Variants in AIG1 observed in about 807,000 individuals in gnomAD.
AIG1 encodes androgen-induced gene 1 protein.
Under a neutral mutation model 31.4 loss-of-function variants are expected in AIG1, and 23 were observed. The observed-to-expected ratio is 0.73, with a 90% CI of 0.53 to 1.04. The LOEUF (loss-of-function observed/expected upper bound fraction) is 1.04. AIG1 is among the 50% of genes least tolerant of loss of function. The pLI, the probability that AIG1 is intolerant of heterozygous loss-of-function variation, is 0.00. For synonymous variants in AIG1, 100 were observed against 110.5 expected, an observed-to-expected ratio of 0.90 and a Z score of 0.60; for missense variants, 274 against 295.0, an observed-to-expected ratio of 0.93 and a Z score of 0.52.
At chr6:143,335,595 T>G (rs1258556246) in intron 5 of AIG1, 2 of 149,602 alleles carry the variant, frequency 1.3e-5, no homozygotes, top group African/African-American at 4.9e-5. Context: ...TCTTAGGAAA[T>G]ATTTTAAGAT....
At chr6:143,252,546 A>G (rs1277297649) in intron 3 of AIG1, among the ~76,000 whole-genome samples, 1 of 152,218 alleles carries the variant, frequency 6.6e-6, no homozygotes, top group Non-Finnish European at 1.5e-5. Flanking sequence ...TTAATATACT[A>G]TGAAGTTAAG....
chr6:143,077,253 T>C (rs560787835), intron 1 of AIG1, among the ~76,000 whole-genome samples: 1 of 152,346 alleles, frequency 6.6e-6, no homozygotes, highest in South Asian at 2.1e-4. Context: ...AAGAACTTAG[T>C]ATAGTAAAAT....
chr6:143,323,138 C>A (rs993696470), intron 4 of AIG1, among the ~76,000 whole-genome samples: 1 of 152,152 alleles, frequency 6.6e-6, no homozygotes, highest in Non-Finnish European at 1.5e-5. Context: ...CCCAAATATA[C>A]GTAGGCAGGA....
intron 1 of AIG1, among the ~76,000 whole-genome samples, chr6:143,103,802 C>T (rs1780555025): frequency 1.3e-5 from 2 of 152,180 alleles, no homozygotes; most frequent in Admixed American, 1.3e-4. Flanking sequence ...AAATGAGCTA[C>T]TGAACATCCT....
intron 3 of AIG1, among the ~76,000 whole-genome samples, chr6:143,240,137 C>T (rs960018367): frequency 2.0e-5 from 3 of 152,214 alleles, no homozygotes; most frequent in African/African-American, 7.2e-5. Flanking sequence ...AGCTGCATTG[C>T]TTCCTGGCTG....
At chr6:143,222,671 T>C (rs1170914398) in intron 3 of AIG1, among the ~76,000 whole-genome samples, 1 of 149,478 alleles carries the variant, frequency 6.7e-6, no homozygotes, top group African/African-American at 2.5e-5. Flanking sequence ...TGAAATCCTA[T>C]TGACAGAAAA....
At position 143,156,735 on chromosome 6, in the gene AIG1, C is replaced by T. The variant is rs564383545; in HGVS notation, c.298-8347C>T. Reference sequence around the variant, plus strand: ...CAGAGAGGGAAGCTCACCCATATTGCAGTTGTAACTGAGACATACTAGGAG... The same window carrying T: ...CAGAGAGGGAAGCTCACCCATATTGTAGTTGTAACTGAGACATACTAGGAG... On this transcript the variant is annotated intron_variant, in intron 2 of 5. Coordinates refer to ENST00000357847, the MANE Select transcript of AIG1 (RefSeq NM_016108.4). Among the ~76,000 whole-genome samples, 52 of 152,308 alleles carry T rather than the reference C, an allele frequency of 3.4e-4. No individual in the cohort carries two copies. In the South Asian group the frequency reaches 0.01, roughly 30 times the overall value.
At chr6:143,187,340 A>G in intron 3 of AIG1, 1 of 1,439,440 alleles carries the variant, frequency 6.9e-7, no homozygotes, top group Non-Finnish European at 9.4e-7. Flanking sequence ...CAGACCACAG[A>G]TATTTTGCTG....
intron 3 of AIG1, among the ~76,000 whole-genome samples, chr6:143,174,611 C>T (rs1252312990): frequency 6.6e-6 from 1 of 152,032 alleles, no homozygotes; most frequent in African/African-American, 2.4e-5. Flanking sequence ...AGGTGAGTCT[C>T]CTGAAGACAC....
At chr6:143,075,042 T>G (rs927998424) in intron 1 of AIG1, among the ~76,000 whole-genome samples, 3 of 152,246 alleles carry the variant, frequency 2.0e-5, no homozygotes, top group Non-Finnish European at 2.9e-5. Context: ...AATGTCAATT[T>G]TTAAAACAGA....
At chr6:143,179,029 A>C (rs1350480473) in intron 3 of AIG1, among the ~76,000 whole-genome samples, 1 of 152,122 alleles carries the variant, frequency 6.6e-6, no homozygotes, top group African/African-American at 2.4e-5. Flanking sequence ...GGGAGGGGAG[A>C]GAGAGAGAAA....
At chr6:143,143,475 TG>T (rs1784404161) in intron 2 of AIG1, among the ~76,000 whole-genome samples, 1 of 110,922 alleles carries the variant, frequency 9.0e-6, no homozygotes, top group Non-Finnish European at 1.7e-5. Context: ...CACTCCAGCC[TG>T]GGTGACAGAG....
intron 3 of AIG1, among the ~76,000 whole-genome samples, chr6:143,203,793 TGAA>T (rs1294480552): frequency 6.6e-6 from 1 of 152,202 alleles, no homozygotes; most frequent in Non-Finnish European, 1.5e-5. Flanking sequence ...AGGGACCTTA[TGAA>T]GAAGAATTCG....
At chr6:143,170,162 G>T (rs1787352449) in intron 3 of AIG1, among the ~76,000 whole-genome samples, 1 of 152,082 alleles carries the variant, frequency 6.6e-6, no homozygotes, top group Non-Finnish European at 1.5e-5. Flanking sequence ...AGAAGTATTT[G>T]TGTTAGTTCT....
chr6:143,187,342 A>C (rs1482705805), intron 3 of AIG1: 5 of 1,442,342 alleles, frequency 3.5e-6, no homozygotes. Context: ...GACCACAGAT[A>C]TTTTGCTGCA....
chr6:143,137,400 ACAGT>A (rs1295056603), intron 2 of AIG1, among the ~76,000 whole-genome samples: 1 of 152,198 alleles, frequency 6.6e-6, no homozygotes, highest in Non-Finnish European at 1.5e-5. Flanking sequence ...GTCTCCAAAT[ACAGT>A]CACATTGTGA....
intron 1 of AIG1, among the ~76,000 whole-genome samples, chr6:143,132,534 T>C (rs974011148): frequency 1.3e-5 from 2 of 152,134 alleles, no homozygotes; most frequent in African/African-American, 4.8e-5. Context: ...TGAAATTTGA[T>C]TACACTGGGG....
chr6:143,110,865 A>G (rs910866353), intron 1 of AIG1, among the ~76,000 whole-genome samples: 1 of 152,198 alleles, frequency 6.6e-6, no homozygotes, highest in African/African-American at 2.4e-5. Flanking sequence ...ACCAATGCAT[A>G]TTTTAAGTAT....
chr6:143,135,779 G>A (rs745948987), intron 1 of AIG1, among the ~76,000 whole-genome samples: 6 of 152,134 alleles, frequency 3.9e-5, no homozygotes, highest in Non-Finnish European at 7.4e-5. Context: ...CTGCCAATGA[G>A]GAAATTTACC....
Sources: allele counts gnomAD v4.1 joint callset (sites outside exome capture counted in the v4.1 genomes callset), GRCh38; gene constraint gnomAD v4.1.1; transcripts MANE v1.5; gene names NCBI Gene and HGNC (gene_info 2026-07-23, HGNC 2026-07-21).